CUL9: variants seen among roughly 807,000 people sequenced by gnomAD.
The protein encoded by CUL9 is cullin 9.
Under a neutral mutation model 272.6 loss-of-function variants are expected in CUL9, and 79 were observed. That is an observed-to-expected ratio of 0.29 (90% CI 0.24 to 0.35). The LOEUF is 0.35. CUL9 is among the 10% of genes least tolerant of loss of function. The pLI, the probability that CUL9 is intolerant of heterozygous loss-of-function variation, is 1.00. For missense variants in CUL9, 2,532 were observed against 3,255.6 expected (o/e 0.78, Z 5.41); for synonymous variants, 1,186 against 1,286.5 (o/e 0.92, Z 1.67).
chr6:43,208,482 A>G (rs1484517577), intron 26 of CUL9, among the ~76,000 whole-genome samples: 1 of 152,250 alleles, frequency 6.6e-6, no homozygotes. Flanking sequence ...CTGGGATTAT[A>G]GGCGTGAGCC....
rs374769752 is a variant in CUL9 at position 43,203,466 on chromosome 6, C to G, written c.3899C>G (p.Pro1300Arg). 78 of 1,614,026 alleles carry G rather than the reference C, an allele frequency of 4.8e-5. No individual in the cohort carries two copies. Among genetic ancestry groups the G allele is most frequent in the Non-Finnish European group, 1.0e-5 (12 of 1,180,040 alleles). Residue 1300 changes from proline to arginine, a missense_variant, in exon 19 of 41, where the codon CCC (proline) becomes CGC (arginine). Around this residue, in one of 3 missense-constraint regions of CUL9, gnomAD observed 2,218 missense variants for 2,788.6 expected, o/e 0.80. Coordinates refer to ENST00000252050, the MANE Select transcript of CUL9 (RefSeq NM_015089.4). The surrounding 1 kb of genome is among the most constrained non-coding windows in gnomAD (Gnocchi z 5.0). ...VRGVEVLGPK[P>R]TFWPLFREQL... is the part of the protein sequence containing the mutation. ...GGTGTGGAGGTCCTGGGCCCTAAGC[C>G]CACATTCTGGCCACTGTTCCGGGAG... is the stretch of plus-strand genomic sequence containing the variant.
At chr6:43,191,495 T>TTTTTTTTTTTTTTTTTTTTC (rs1773494437) in intron 8 of CUL9, among the ~76,000 whole-genome samples, 1 of 147,726 alleles carries the variant, frequency 6.8e-6, no homozygotes, top group African/African-American at 2.6e-5. Flanking sequence ...TTTTTTTTTT[T>TTTTTTTTTTTTTTTTTTTTC]TTTTTTTTTT....
chr6:43,198,535 C>T (rs1351156696), intron 11 of CUL9, 74 bp from the exon 12 acceptor site: 2 of 1,567,186 alleles, frequency 1.3e-6, no homozygotes, highest in Non-Finnish European at 8.7e-7. Flanking sequence ...TTTTCTGGAC[C>T]TTCCCAGTTC....
chr6:43,206,256 AGAGT>A lies in CUL9; in HGVS notation c.5022+25_5022+28del. ...AGGAGGTAAGAGCAGGGAGAATAGG[AGAGT>A]GAGAGAAGACTAGACCAAGGAAGGG... On this transcript the variant is annotated intron_variant, in intron 25 of 40. Coordinates refer to ENST00000252050, the MANE Select transcript of CUL9 (RefSeq NM_015089.4). This position sits in a 1 kb window ranked among gnomAD's most constrained non-coding sequence, Gnocchi z 4.8. The A allele has an allele frequency of 1.2e-6, 2 of 1,611,894 alleles. No homozygotes were observed. Among genetic ancestry groups the A allele is most frequent in the South Asian group, 2.2e-5 (2 of 90,946 alleles).
intron 8 of CUL9, among the ~76,000 whole-genome samples, chr6:43,192,182 C>G (rs1230605883): frequency 6.6e-6 from 1 of 151,594 alleles, no homozygotes; most frequent in African/African-American, 2.4e-5. Flanking sequence ...CCACCTCAGC[C>G]TCCCAAGTAC....
In CUL9 at chr6:43,220,948, A is replaced by T; in HGVS notation, c.6588+37A>T. On this transcript the variant is annotated intron_variant, in intron 33 of 40. Transcript: ENST00000252050. The surrounding 1 kb of genome is among the most constrained non-coding windows in gnomAD (Gnocchi z 4.9). ...ACACTGGCCCTGACCCTGAGCAAGG[A>T]TTCACACTCCTTCCCTGCTTAATAT... is the stretch of plus-strand genomic sequence containing the variant. 1 of 1,563,960 alleles carries T rather than the reference A, an allele frequency of 6.4e-7. No individual in the cohort carries two copies. The highest frequency in any genetic ancestry group is 8.7e-7 in the Non-Finnish European group (1 of 1,152,294).
chr6:43,217,965 T>G (rs1384455371), intron 31 of CUL9, among the ~76,000 whole-genome samples: 1 of 152,142 alleles, frequency 6.6e-6, no homozygotes, highest in Non-Finnish European at 1.5e-5. Flanking sequence ...TTTTTGTTAT[T>G]CCCATTTTAC....
Position 43,196,271 on chromosome 6 carries a change from G to T in CUL9, c.2585+6G>T. On this transcript the variant is annotated splice_donor_region_variant and intron_variant, in intron 10 of 40. Transcript: ENST00000252050. ...CTGATGCTGAATACTGAGGGGTCAG[G>T]GCATTACCTTCCCAACTCCAGGCTC... 1 of 1,609,020 alleles carries T rather than the reference G, an allele frequency of 6.2e-7. No individual in the cohort carries two copies. Among genetic ancestry groups the T allele is most frequent in the East Asian group, 2.2e-5 (1 of 44,774 alleles).
At chr6:43,189,179 A>T (rs1427360289) in intron 8 of CUL9, among the ~76,000 whole-genome samples, 2 of 146,442 alleles carry the variant, frequency 1.4e-5, no homozygotes, top group Admixed American at 6.8e-5. Context: ...ACTTTATTTT[A>T]AATTTTTTTC....
chr6:43,222,011 G>A, intron 35 of CUL9: 1 of 593,708 alleles, frequency 1.7e-6, no homozygotes, highest in South Asian at 2.1e-5. Flanking sequence ...CTACAGAAAG[G>A]CTGGGGAGGG....
intron 12 of CUL9, 33 bp downstream of exon 12, chr6:43,198,888 A>ACGAGGGAAACTGGCAGACTT (rs778737564): frequency 1.2e-5 from 19 of 1,596,292 alleles, no homozygotes; most frequent in Non-Finnish European, 2.6e-6. Flanking sequence ...ATGCATTGGG[A>ACGAGGGAAACTGGCAGACTT]CGAGGGAAAC....
Position 43,200,620 on chromosome 6 carries a change from A to C in CUL9, c.3476-43A>C. 2 of 1,613,464 alleles carry C rather than the reference A, an allele frequency of 1.2e-6. No homozygotes were observed. Among genetic ancestry groups the C allele is most frequent in the South Asian group, 2.2e-5 (2 of 91,028 alleles). On this transcript the variant is annotated intron_variant, in intron 15 of 40. Coordinates refer to ENST00000252050, the MANE Select transcript of CUL9 (RefSeq NM_015089.4). The surrounding 1 kb of genome is among the most constrained non-coding windows in gnomAD (Gnocchi z 4.0). Reference sequence around the variant, plus strand: ...TTAGACCTTTTCCTTTTTCCTCTCAACTAACCTAGCTGTGACTGCCACCCC... The same window carrying C: ...TTAGACCTTTTCCTTTTTCCTCTCACCTAACCTAGCTGTGACTGCCACCCC...
chr6:43,193,089 C>T lies in CUL9; in HGVS notation c.2269C>T (p.Leu757=), dbSNP rs751355184. ...VVVQALRLLY[L]LMTKHEWRPL... ...CGTGCAGGCCCTGCGCCTCCTTTAC[C>T]TGCTCATGACCAAGCACGAGTGGCG... The change falls in exon 9 of 41, where the codon CTG becomes TTG. Residue 757 remains leucine (L), a synonymous_variant. Coordinates refer to ENST00000252050, the MANE Select transcript of CUL9 (RefSeq NM_015089.4). 2 of 1,614,214 alleles carry T rather than the reference C, an allele frequency of 1.2e-6. No individual in the cohort carries two copies. The highest frequency in any genetic ancestry group is 2.2e-5 in the South Asian group (2 of 91,082).
chr6:43,203,035 G>C lies in CUL9; in HGVS notation c.3754-74G>C. 2 of 1,527,792 alleles carry C rather than the reference G, an allele frequency of 1.3e-6. No individual in the cohort carries two copies. Among genetic ancestry groups the C allele is most frequent in the Non-Finnish European group, 1.8e-6 (2 of 1,104,188 alleles). The allele number at this position is 1,527,792 out of a possible 1,614,324, so 94.6% of individuals were successfully genotyped here. ...AAGGGCACACACCATGACCGACTTG[G>C]TTACTGTCAACAATTTTTCCAACCT... On this transcript the variant is annotated intron_variant, in intron 17 of 40. Coordinates refer to ENST00000252050, the MANE Select transcript of CUL9 (RefSeq NM_015089.4). The surrounding 1 kb of genome is among the most constrained non-coding windows in gnomAD (Gnocchi z 5.0).
At chr6:43,194,165 C>T (rs1158454773) in intron 9 of CUL9, among the ~76,000 whole-genome samples, 6 of 152,144 alleles carry the variant, frequency 3.9e-5, no homozygotes, top group Admixed American at 1.3e-4. Context: ...AGGCAGGCTT[C>T]GGCCAGAGCA....
rs1303076298 is a variant in CUL9 at position 43,221,816 on chromosome 6, A to T, written c.6846+38A>T. 3.8e-6 allele frequency: 6 copies of T among 1,575,328 alleles called. No homozygotes were observed. The highest frequency in any genetic ancestry group is 5.2e-6 in the Non-Finnish European group (6 of 1,154,080). On this transcript the variant is annotated intron_variant, in intron 35 of 40. Coordinates refer to ENST00000252050, the MANE Select transcript of CUL9 (RefSeq NM_015089.4). This position sits in a 1 kb window ranked among gnomAD's most constrained non-coding sequence, Gnocchi z 4.2. ...GCACTAGGGGAGGGCAGAGGCCCAG[A>T]GCCGTCGGGGAGGGGTGCTGCTACC...
chr6:43,196,057 T>C lies in CUL9; in HGVS notation c.2389-12T>C. On this transcript the variant is annotated splice_polypyrimidine_tract_variant and intron_variant, in intron 9 of 40. Coordinates refer to ENST00000252050, the MANE Select transcript of CUL9 (RefSeq NM_015089.4). ...GCCCCCTCCTCACTCTGCTTTCACA[T>C]CCCCCTCACAGGCACTGAAGATGCT... The C allele has an allele frequency of 1.2e-6, 2 of 1,604,342 alleles. No homozygotes were observed. Among genetic ancestry groups the C allele is most frequent in the South Asian group, 1.1e-5 (1 of 90,074 alleles).
rs1773009942 is a variant in CUL9, at chr6:43,187,153, A to C, written c.1387+58A>C. ...TCTGAACAGAGGATTAGTGACTGGG[A>C]TGAAGCCACTTCTGACCAGGAGCAG... On this transcript the variant is annotated intron_variant, in intron 5 of 40. Transcript: ENST00000252050. The C allele has an allele frequency of 1.9e-6, 3 of 1,606,582 alleles. No individual in the cohort carries two copies. The Admixed American group carries it at 5.0e-5, about 27-fold the overall frequency.
Position 43,223,490 on chromosome 6 carries a change from G to C in CUL9, c.7284+93G>C, listed in dbSNP as rs568815844. ...CAGCCCCTGCCCTGGGGCGAGTCCA[G>C]AAGGAAAGGCAGCAAAGCGGGTGAA... On this transcript the variant is annotated intron_variant, in intron 39 of 40. Transcript: ENST00000252050. The surrounding 1 kb of genome is among the most constrained non-coding windows in gnomAD (Gnocchi z 4.1). 5 of 1,467,798 alleles carry C rather than the reference G, an allele frequency of 3.4e-6. No homozygotes were observed. In the African/African-American group the frequency reaches 7.0e-5, roughly 21 times the overall value. 90.9% of individuals were successfully genotyped at this position (1,467,798 alleles called of 1,614,324 possible). A position where few individuals can be genotyped will look rare whatever the true frequency, so the allele number is the denominator to read the frequency against.
Sources: gnomAD v4.1 joint callset for allele counts (sites outside exome capture counted in the v4.1 genomes callset) on GRCh38, gnomAD v4.1.1 for gene constraint, gnomAD v4.1.1 regional missense constraint, Gnocchi (gnomAD v3.1) non-coding constraint, MANE v1.5 for transcripts, NCBI Gene and HGNC (gene_info 2026-07-23, HGNC 2026-07-21) for gene names.